RECQL4: variants seen among roughly 807,000 people sequenced by gnomAD.
RECQL4 encodes the protein RecQ like helicase 4.
Under a neutral mutation model 128.6 loss-of-function variants are expected in RECQL4, and 158 were observed. That is an observed-to-expected ratio of 1.23 (90% CI 1.08 to 1.40). RECQL4 has a LOEUF of 1.40. Ranked by LOEUF, RECQL4 falls within the 40% of genes most tolerant of loss-of-function variation. The pLI is 0.00. For missense variants in RECQL4, 2,293 were observed against 1,649.8 expected, an observed-to-expected ratio of 1.39 and a Z score of -6.75; for synonymous variants, 996 against 678.9, an observed-to-expected ratio of 1.47 and a Z score of -7.26.
rs112797566 is a variant in RECQL4 at position 144,513,724 on chromosome 8, C to T, written c.2059-12G>A. 304 of 1,239,678 alleles carry T rather than the reference C, an allele frequency of 2.5e-4. No homozygotes were observed. The highest frequency in any genetic ancestry group is 2.9e-4 in the Non-Finnish European group (282 of 965,278). 76.8% of individuals were successfully genotyped at this position (1,239,678 alleles called of 1,614,324 possible). A position where few individuals can be genotyped will look rare whatever the true frequency, so the allele number is the denominator to read the frequency against. On this transcript the variant is annotated splice_polypyrimidine_tract_variant and intron_variant, in intron 12 of 20. Coordinates refer to ENST00000617875, the MANE Select transcript of RECQL4 (RefSeq NM_004260.4). ...AGCGTCAACAGTGCCTGATGAGGAG[C>T]GGTTGGCGTGGGCAGTGGGGAGTGA...
rs773864273 is a variant in RECQL4 at position 144,513,319 on chromosome 8, G to A, written c.2362C>T (p.His788Tyr). ...LDRPDVRAVLHLGLPPSFESY... is the reference protein window; with the variant it reads ...LDRPDVRAVLYLGLPPSFESY... ...TCGAAGCTTGGGGGCAGCCCCAGATGCAGCACAGCCCGCACATCTGGCCGG... is the reference window on the plus strand; with the variant it reads ...TCGAAGCTTGGGGGCAGCCCCAGATACAGCACAGCCCGCACATCTGGCCGG... The change falls in exon 14 of 21, where the codon CAT (histidine) becomes TAT (tyrosine). Residue 788 changes from histidine (H) to tyrosine (Y), a missense_variant. Physicochemically the swap from His to Tyr is moderately conservative, Grantham distance 83 (BLOSUM62 2). Coordinates refer to ENST00000617875, the MANE Select transcript of RECQL4 (RefSeq NM_004260.4). 3.1e-6 allele frequency: 5 copies of A among 1,602,358 alleles called. No individual in the cohort carries two copies. Among genetic ancestry groups the A allele is most frequent in the East Asian group, 2.2e-5 (1 of 44,868 alleles).
chr8:144,513,830 T>TCGGCGTGGGCCGTGGG, intron 12 of RECQL4, 98 bp downstream of exon 12: 1 of 544,522 alleles, frequency 1.8e-6, no homozygotes. Flanking sequence ...CGGTGGGGAG[T>TCGGCGTGGGCCGTGGG]GAGAAGGGGT....
rs2130734396 is a variant in RECQL4 at position 144,517,047 on chromosome 8, C to T, written c.354+3G>A. On this transcript the variant is annotated splice_donor_region_variant and intron_variant, in intron 4 of 20. Coordinates refer to ENST00000617875, the MANE Select transcript of RECQL4 (RefSeq NM_004260.4). ...GTGGACTCACTGCCTGCCCACTCCT[C>T]ACCTGCAGGGTGCCTTTCAGATTGG... 1.2e-6 allele frequency: 2 copies of T among 1,608,846 alleles called. No homozygotes were observed. Among genetic ancestry groups the T allele is most frequent in the Non-Finnish European group, 8.5e-7 (1 of 1,176,846 alleles).
Position 144,514,088 on chromosome 8 carries a change from C to A in RECQL4, c.1898G>T (p.Gly633Val). The A allele has an allele frequency of 6.3e-7, 1 of 1,599,908 alleles. No homozygotes were observed. The highest frequency in any genetic ancestry group is 8.5e-7 in the Non-Finnish European group (1 of 1,174,344). Residue 633 changes from glycine to valine, a missense_variant, in exon 12 of 21, where the codon GGC (glycine) becomes GTC (valine). By Grantham distance (109) the Gly-to-Val change is moderately radical. Coordinates refer to ENST00000617875, the MANE Select transcript of RECQL4 (RefSeq NM_004260.4). Reference protein sequence around the residue: ...RVCKVLRERMGVHCFLGLTAT... With the variant: ...RVCKVLRERMVVHCFLGLTAT... ...TGTGAGGCCCAGGAAGCAGTGCACG[C>A]CCATGCGCTCCCGAAGCACCTGCAC...
chr8:144,516,029 C>A lies in RECQL4; in HGVS notation c.1090G>T (p.Val364Leu), dbSNP rs144637135. ...CTGCTACGGAGTGCCCGGCCCCGCA[C>A]GTAGTGTTTCTGCTTCATGTTGAGC... The part of the protein sequence containing the change: ...VRLNMKQKHY[V>L]RGRALRSRLL... Residue 364 changes from valine (V) to leucine (L), a missense_variant, in exon 5 of 21, where the codon GTG becomes TTG. By Grantham distance (32) the Val-to-Leu change is conservative. Transcript: ENST00000617875. 1 of 1,611,570 alleles carries A rather than the reference C, an allele frequency of 6.2e-7. No individual in the cohort carries two copies. The highest frequency in any genetic ancestry group is 1.1e-5 in the South Asian group (1 of 91,066).
Position 144,517,414 on chromosome 8 carries a change from C to T in RECQL4, c.213G>A (p.Glu71=), listed in dbSNP as rs1564811591. The T allele has an allele frequency of 5.7e-6, 9 of 1,569,834 alleles. No homozygotes were observed. The highest frequency in any genetic ancestry group is 7.7e-6 in the Non-Finnish European group (9 of 1,163,516). ...SSESLPAAAE[E]APEPRCWGPH... ...GGCTGGGGCGGCGGGGCCTGGGTAC[C>T]TCTTCGGCCGCCGCGGGGAGCGACT... The change falls in exon 3 of 21, where the codon GAG becomes GAA. Residue 71 remains glutamate, a splice_region_variant and synonymous_variant. Transcript: ENST00000617875.
chr8:144,515,815 A>C lies in RECQL4; in HGVS notation c.1207T>G (p.Cys403Gly). ...GGATVTTKES[C>G]FLNEQFDHWA... is the part of the protein sequence containing the mutation. ...TGATCGAACTGCTCGTTCAGGAAAC[A>C]AGACTCCTTGGTTGTGACTGTGGCA... The change falls in exon 6 of 21, where the codon TGT becomes GGT. Residue 403 changes from cysteine (C) to glycine (G), a missense_variant. By Grantham distance (159) the Cys-to-Gly change is radical. Coordinates refer to ENST00000617875, the MANE Select transcript of RECQL4 (RefSeq NM_004260.4). The C allele has an allele frequency of 1.2e-6, 2 of 1,612,874 alleles. No homozygotes were observed. Among genetic ancestry groups the C allele is most frequent in the Non-Finnish European group, 1.7e-6 (2 of 1,179,792 alleles).
In RECQL4 at chr8:144,514,261, G is replaced by T. The variant is rs772219901; in HGVS notation, c.1806C>A (p.Ala602=). ...PAAQLPPVAF[A]CIDEAHCLSQ... ...AGAGGCAGTGGGCCTCATCAATGCA[G>T]GCAAAAGCAACTGGAGGCAGCTGTG... The change falls in exon 11 of 21, where the codon GCC becomes GCA. Residue 602 remains alanine, a synonymous_variant. Transcript: ENST00000617875. 2 of 1,612,110 alleles carry T rather than the reference G, an allele frequency of 1.2e-6. No individual in the cohort carries two copies. Among genetic ancestry groups the T allele is most frequent in the Non-Finnish European group, 1.7e-6 (2 of 1,179,702 alleles).
At chr8:144,514,556 GCCAGC>G in intron 9 of RECQL4, 31 bp from the exon 10 acceptor site, 1 of 1,594,500 alleles carries the variant, frequency 6.3e-7, no homozygotes, top group East Asian at 2.2e-5. Flanking sequence ...GCCGTCATAC[GCCAGC>G]CCAGCCCTGG....
In RECQL4 at chr8:144,511,564, G is replaced by T; in HGVS notation, c.3503-9C>A. 3 of 1,611,470 alleles carry T rather than the reference G, an allele frequency of 1.9e-6. No homozygotes were observed. Among genetic ancestry groups the T allele is most frequent in the Non-Finnish European group, 2.5e-6 (3 of 1,179,044 alleles). Reference sequence around the variant, plus strand: ...CGGGTAGCAGGGGCTTCCTACGGTGGAGCCAAGACACAGCCGTGAGCCCCA... The same window carrying T: ...CGGGTAGCAGGGGCTTCCTACGGTGTAGCCAAGACACAGCCGTGAGCCCCA... On this transcript the variant is annotated splice_polypyrimidine_tract_variant and intron_variant, in intron 20 of 20. Transcript: ENST00000617875.
chr8:144,514,152 G>C (rs769963622), intron 11 of RECQL4, 37 bp downstream of exon 11: 1 of 1,610,968 alleles, frequency 6.2e-7, no homozygotes, highest in Non-Finnish European at 8.5e-7. Context: ...AGCCCATCCC[G>C]GCCCTGGCCG....
rs1389538148 is a variant in RECQL4, at chr8:144,516,378, G to C, written c.741C>G (p.Ile247Met). Reference sequence around the variant, plus strand: ...TGCTGGGCTGGGGGCTCCCCACACGGATGCTGACTTCTTGGAAGGCTGAAG... The same window carrying C: ...TGCTGGGCTGGGGGCTCCCCACACGCATGCTGACTTCTTGGAAGGCTGAAG... ...PEASAFQEVS[I>M]RVGSPQPSSS... Residue 247 changes from isoleucine (I) to methionine (M), a missense_variant, in exon 5 of 21, where the codon ATC becomes ATG. Transcript: ENST00000617875. 1 of 1,610,260 alleles carries C rather than the reference G, an allele frequency of 6.2e-7. No individual in the cohort carries two copies. Among genetic ancestry groups the C allele is most frequent in the Non-Finnish European group, 8.5e-7 (1 of 1,179,744 alleles).
rs1827626084 is a variant in RECQL4, at chr8:144,513,390, T to C, written c.2291A>G (p.Gln764Arg). 3 of 1,608,294 alleles carry C rather than the reference T, an allele frequency of 1.9e-6. No individual in the cohort carries two copies. The highest frequency in any genetic ancestry group is 2.5e-6 in the Non-Finnish European group (3 of 1,179,702). Residue 764 changes from glutamine to arginine, a missense_variant, in exon 14 of 21, where the codon CAG (glutamine) becomes CGG (arginine). Gln to Arg is a conservative substitution (Grantham distance 43). Transcript: ENST00000617875. ...RRVQRAFMQGQLRVVVATVAF... is the reference protein window; with the variant it reads ...RRVQRAFMQGRLRVVVATVAF... ...CACCGTGGCCACCACCACCCGCAAC[T>C]GGCCCTGCATGAAGGCTCGCTGTAC...
chr8:144,516,104 G>C lies in RECQL4; in HGVS notation c.1015C>G (p.Leu339Val). ...RAGKAEGTAP[L>V]HIFPRLARHD... ...CGGGCCAGCCGAGGGAAGATGTGCA[G>C]GGGGGCTGTGCCCTCAGCCTTCCCA... Residue 339 changes from leucine to valine, a missense_variant, in exon 5 of 21, where the codon CTG (leucine) becomes GTG (valine). Transcript: ENST00000617875. 6.2e-7 allele frequency: 1 copy of C among 1,612,808 alleles called. No individual in the cohort carries two copies. The highest frequency in any genetic ancestry group is 8.5e-7 in the Non-Finnish European group (1 of 1,179,866).
At position 144,515,749 on chromosome 8, in the gene RECQL4, G is replaced by C. The variant is rs754841430; in HGVS notation, c.1258+15C>G. 1.2e-6 allele frequency: 2 copies of C among 1,611,594 alleles called. No homozygotes were observed. The highest frequency in any genetic ancestry group is 1.7e-6 in the Non-Finnish European group (2 of 1,179,492). On this transcript the variant is annotated intron_variant, in intron 6 of 20. Coordinates refer to ENST00000617875, the MANE Select transcript of RECQL4 (RefSeq NM_004260.4). ...CAGTGTTGGCCGGACCCACCCTCCA[G>C]GGCAGATGTCTCACCTGGCCGGGGA...
rs1827153607 is a variant in RECQL4 at position 144,511,311 on chromosome 8, A to G, written c.*120T>C. Reference sequence around the variant, plus strand: ...CATAAAAACAAAGTGAGCATTTTTTATTCTGCATTTTGGAGCCTCCTCGTT... The same window carrying G: ...CATAAAAACAAAGTGAGCATTTTTTGTTCTGCATTTTGGAGCCTCCTCGTT... On this transcript the variant is annotated 3_prime_UTR_variant, in exon 21 of 21. Coordinates refer to ENST00000617875, the MANE Select transcript of RECQL4 (RefSeq NM_004260.4). 7.1e-6 allele frequency: 11 copies of G among 1,549,650 alleles called. No homozygotes were observed. The highest frequency in any genetic ancestry group is 4.5e-5 in the East Asian group (2 of 44,174).
intron 3 of RECQL4, 48 bp downstream of exon 3, chr8:144,517,366 C>T (rs774579139): frequency 2.6e-6 from 4 of 1,517,600 alleles, no homozygotes; most frequent in South Asian, 2.4e-5. Flanking sequence ...CCCGCCACTC[C>T]GCCAAACAGG....
rs373357384 is a variant in RECQL4 at position 144,514,533 on chromosome 8, T to C, written c.1621-8A>G. On this transcript the variant is annotated splice_region_variant and splice_polypyrimidine_tract_variant and intron_variant, in intron 9 of 20. Transcript: ENST00000617875. ...CGGTGGCAGGCCAGACACCTGCAAA[T>C]GCAGGAGCGACAGCCGTCATACGCC... 1,226 of 1,609,830 alleles carry C rather than the reference T, an allele frequency of 7.6e-4. 11 individuals are homozygous for C. Among genetic ancestry groups the C allele is most frequent in the Middle Eastern group, 6.6e-3 (40 of 6,050 alleles).
Position 144,512,629 on chromosome 8 carries a change from A to G in RECQL4, c.2885+13T>C, listed in dbSNP as rs1330356044. 1 of 1,611,562 alleles carries G rather than the reference A, an allele frequency of 6.2e-7. No individual in the cohort carries two copies. Among genetic ancestry groups the G allele is most frequent in the Non-Finnish European group, 8.5e-7 (1 of 1,179,214 alleles). On this transcript the variant is annotated intron_variant, in intron 16 of 20. Transcript: ENST00000617875. ...TCTCCAACCTCGTCTCCAACTGGGC[A>G]GGGCGTGCTTACCTGTGGGCCAGGG... is the stretch of plus-strand genomic sequence containing the variant.
Sources: allele counts gnomAD v4.1 joint callset, GRCh38; gene constraint gnomAD v4.1.1; transcripts MANE v1.5; gene names NCBI Gene and HGNC (gene_info 2026-07-23, HGNC 2026-07-21).